SPPL2C: variants seen among roughly 807,000 people sequenced by gnomAD.
SPPL2C encodes signal peptide peptidase like 2C.
A neutral mutation model predicts 38.8 loss-of-function variants in SPPL2C; 33 were observed. The observed-to-expected ratio is 0.85, with a 90% CI of 0.64 to 1.14. SPPL2C has a LOEUF of 1.14. SPPL2C is among the 50% of genes most tolerant of loss of function. The pLI, the probability that SPPL2C is intolerant of heterozygous loss-of-function variation, is 0.00. For synonymous variants in SPPL2C, 384 were observed against 390.7 expected (o/e 0.98, Z 0.20); for missense variants, 899 against 904.4 (o/e 0.99, Z 0.08).
Position 45,846,720 on chromosome 17 carries a change from G to C in SPPL2C, c.1814G>C (p.Ser605Thr). The C allele has an allele frequency of 6.2e-7, 1 of 1,614,224 alleles. No homozygotes were observed. Among genetic ancestry groups the C allele is most frequent in the Non-Finnish European group, 8.5e-7 (1 of 1,180,046 alleles). The change falls in exon 1 of 1, where the codon AGT becomes ACT. Residue 605 changes from serine to threonine, a missense_variant. Coordinates refer to ENST00000329196, the MANE Select transcript of SPPL2C (RefSeq NM_175882.3). ...EDRSDSSEGW[S>T]DAHLDPNELP... ...CGCAGTGATAGCTCCGAGGGCTGGA[G>C]TGACGCCCACTTGGATCCTAATGAG... is the stretch of plus-strand genomic sequence containing the variant.
rs1305128282 is a variant in SPPL2C, at chr17:45,846,070, C to T, written c.1164C>T (p.Phe388=). The part of the protein sequence containing the change: ...FLLALLAFDV[F]FVFVTPFFTK... ...TGGCCCTGCTGGCCTTTGATGTCTT[C>T]TTTGTCTTCGTCACCCCCTTCTTCA... Residue 388 remains phenylalanine (F), a synonymous_variant, in exon 1 of 1, where the codon TTC becomes TTT. Coordinates refer to ENST00000329196, the MANE Select transcript of SPPL2C (RefSeq NM_175882.3). 9 of 1,614,204 alleles carry T rather than the reference C, an allele frequency of 5.6e-6. No individual in the cohort carries two copies. Among genetic ancestry groups the T allele is most frequent in the Non-Finnish European group, 7.6e-6 (9 of 1,180,034 alleles).
At position 45,846,079 on chromosome 17, in the gene SPPL2C, C is replaced by T. The variant is rs758052686; in HGVS notation, c.1173C>T (p.Phe391=). The change falls in exon 1 of 1, where the codon TTC becomes TTT. Residue 391 remains phenylalanine, a synonymous_variant. Transcript: ENST00000329196. ...ALLAFDVFFV[F]VTPFFTKTGE... ...TGGCCTTTGATGTCTTCTTTGTCTT[C>T]GTCACCCCCTTCTTCACCAAAACCG... 6.1e-5 allele frequency: 98 copies of T among 1,614,052 alleles called. No homozygotes were observed. The highest frequency in any genetic ancestry group is 3.3e-4 in the Middle Eastern group (2 of 6,084).
chr17:45,845,574 G>T lies in SPPL2C; in HGVS notation c.668G>T (p.Gly223Val). 6.2e-7 allele frequency: 1 copy of T among 1,605,512 alleles called. No homozygotes were observed. The highest frequency in any genetic ancestry group is 8.5e-7 in the Non-Finnish European group (1 of 1,176,050). Residue 223 changes from glycine (G) to valine (V), a missense_variant, in exon 1 of 1, where the codon GGG (glycine) becomes GTG (valine). Transcript: ENST00000329196. ...LQRRRARRGG[G>V]SGGHHQLQEA... ...CGGCGCCGTGCCCGAAGAGGAGGGG[G>T]GTCTGGTGGTCACCATCAGCTGCAG...
In SPPL2C at chr17:45,846,632, C is replaced by T. The variant is rs1568086487; in HGVS notation, c.1726C>T (p.Pro576Ser). ...SRGAGDLDSN[P>S]GEDTTEIVTI... ...AGGAGCAGGGGACTTAGACAGCAAC[C>T]CTGGAGAAGACACCACTGAGATTGT... is the stretch of plus-strand genomic sequence containing the variant. The change falls in exon 1 of 1, where the codon CCT becomes TCT. Residue 576 changes from proline (P) to serine (S), a missense_variant. By Grantham distance (74) the Pro-to-Ser change is moderately conservative. Coordinates refer to ENST00000329196, the MANE Select transcript of SPPL2C (RefSeq NM_175882.3). 6.2e-7 allele frequency: 1 copy of T among 1,614,222 alleles called. No individual in the cohort carries two copies. The highest frequency in any genetic ancestry group is 8.5e-7 in the Non-Finnish European group (1 of 1,180,044).
chr17:45,846,039 T>TCCTGCTGGC lies in SPPL2C; in HGVS notation c.1144_1152dup (p.Leu382_Ala384dup). On this transcript the variant is annotated inframe_insertion, in exon 1 of 1. Coordinates refer to ENST00000329196, the MANE Select transcript of SPPL2C (RefSeq NM_175882.3). Reference sequence around the variant, plus strand: ...CCCACTCTCAAGAACTGCTCCTCCTTCCTGCTGGCCCTGCTGGCCTTTGAT... The same window carrying TCCTGCTGGC: ...CCCACTCTCAAGAACTGCTCCTCCTTCCTGCTGGCCCTGCTGGCCCTGCTGGCCTTTGAT... 1 of 1,614,146 alleles carries TCCTGCTGGC rather than the reference T, an allele frequency of 6.2e-7. No individual in the cohort carries two copies. Among genetic ancestry groups the TCCTGCTGGC allele is most frequent in the Non-Finnish European group, 8.5e-7 (1 of 1,180,028 alleles).
Position 45,846,989 on chromosome 17 carries a change from C to T in SPPL2C, c.*28C>T, listed in dbSNP as rs762169399. The T allele has an allele frequency of 1.3e-5, 19 of 1,516,678 alleles. No homozygotes were observed. Among genetic ancestry groups the T allele is most frequent in the Non-Finnish European group, 1.7e-5 (19 of 1,138,034 alleles). The allele number at this position is 1,516,678 out of a possible 1,614,324, so 94.0% of individuals were successfully genotyped here. On this transcript the variant is annotated 3_prime_UTR_variant, in exon 1 of 1. Coordinates refer to ENST00000329196, the MANE Select transcript of SPPL2C (RefSeq NM_175882.3). ...TGGAGGCACTGGGACACACGCCTCT[C>T]AAAGGGCTGGTGGAACATTGCAGAG...
At position 45,846,576 on chromosome 17, in the gene SPPL2C, C is replaced by A; in HGVS notation, c.1670C>A (p.Thr557Lys). 6.2e-7 allele frequency: 1 copy of A among 1,613,660 alleles called. No homozygotes were observed. The highest frequency in any genetic ancestry group is 8.5e-7 in the Non-Finnish European group (1 of 1,180,026). Residue 557 changes from threonine to lysine, a missense_variant, in exon 1 of 1, where the codon ACA becomes AAA. Thr to Lys is a moderately conservative substitution (Grantham distance 78, BLOSUM62 -1). Coordinates refer to ENST00000329196, the MANE Select transcript of SPPL2C (RefSeq NM_175882.3). ...QKQEGAADAH[T>K]ASTLERGTSR... ...CAGGAGGGCGCAGCAGATGCCCACA[C>A]AGCCAGCACACTTGAGAGAGGCACC... is the stretch of plus-strand genomic sequence containing the variant.
At position 45,845,008 on chromosome 17, in the gene SPPL2C, G is replaced by A. The variant is rs200394065; in HGVS notation, c.102G>A (p.Trp34Ter). ...TGGCCCACGTGGTGTCGGAGAATTGGAGCAAGGACTACTGTATCCTGTTCA... is the reference window on the plus strand; with the variant it reads ...TGGCCCACGTGGTGTCGGAGAATTGAAGCAAGGACTACTGTATCCTGTTCA... Reference protein sequence around the residue: ...YGVAHVVSENWSKDYCILFSS... With the variant: ...YGVAHVVSEN The change falls in exon 1 of 1, where the codon TGG becomes TGA. Residue 34 changes from tryptophan to a stop codon, truncating the protein, a stop_gained. Transcript: ENST00000329196. LOFTEE classifies it high-confidence loss of function. 34 of 1,614,000 alleles carry A rather than the reference G, an allele frequency of 2.1e-5. No individual in the cohort carries two copies. Among genetic ancestry groups the A allele is most frequent in the Non-Finnish European group, 1.6e-5 (19 of 1,180,002 alleles).
chr17:45,847,000 T>A lies in SPPL2C; in HGVS notation c.*39T>A. 6.6e-7 allele frequency: 1 copy of A among 1,508,140 alleles called. No individual in the cohort carries two copies. Among genetic ancestry groups the A allele is most frequent in the Non-Finnish European group, 8.8e-7 (1 of 1,133,604 alleles). 93.4% of individuals were successfully genotyped at this position (1,508,140 alleles called of 1,614,324 possible). A position where few individuals can be genotyped will look rare whatever the true frequency, so the allele number is the denominator to read the frequency against. ...GGACACACGCCTCTCAAAGGGCTGG[T>A]GGAACATTGCAGAGCAAAGCCATGC... On this transcript the variant is annotated 3_prime_UTR_variant, in exon 1 of 1. Transcript: ENST00000329196.
At position 45,846,517 on chromosome 17, in the gene SPPL2C, C is replaced by T. The variant is rs769108725; in HGVS notation, c.1611C>T (p.Leu537=). 20 of 1,612,480 alleles carry T rather than the reference C, an allele frequency of 1.2e-5. No individual in the cohort carries two copies. Among genetic ancestry groups the T allele is most frequent in the Admixed American group, 5.0e-5 (3 of 60,006 alleles). ...TGQGRAKMCG[L]GCAPSAGSRQ... ...AGGGCAGAGCTAAGATGTGTGGGCT[C>T]GGCTGTGCCCCTTCAGCTGGCTCTA... The change falls in exon 1 of 1, where the codon CTC becomes CTT. Residue 537 remains leucine, a synonymous_variant. Transcript: ENST00000329196.
chr17:45,845,084 C>A lies in SPPL2C; in HGVS notation c.178C>A (p.Pro60Thr). 1 of 1,613,828 alleles carries A rather than the reference C, an allele frequency of 6.2e-7. No homozygotes were observed. The highest frequency in any genetic ancestry group is 8.5e-7 in the Non-Finnish European group (1 of 1,179,760). Residue 60 changes from proline (P) to threonine (T), a missense_variant, in exon 1 of 1, where the codon CCC (proline) becomes ACC (threonine). Pro to Thr is a conservative substitution (Grantham distance 38). Coordinates refer to ENST00000329196, the MANE Select transcript of SPPL2C (RefSeq NM_175882.3). ...PRDLHHAPLL[P>T]LYDGTKAPWC... ...GGACCTGCACCACGCCCCACTCCTG[C>A]CCCTGTATGATGGCACCAAGGCACC...
chr17:45,846,816 T>C lies in SPPL2C; in HGVS notation c.1910T>C (p.Leu637Pro). ...ATGCCAATGGCCATGCTGATCCCAC[T>C]CATGCCCCTGATGCCCCCGCCCTCA... Reference protein sequence around the residue: ...PLMPMAMLIPLMPLMPPPSEL... With the variant: ...PLMPMAMLIPPMPLMPPPSEL... The change falls in exon 1 of 1, where the codon CTC (leucine) becomes CCC (proline). Residue 637 changes from leucine to proline, a missense_variant. Leu to Pro is a moderately conservative substitution (Grantham distance 98). Transcript: ENST00000329196. 10 of 1,613,990 alleles carry C rather than the reference T, an allele frequency of 6.2e-6. No homozygotes were observed. Among genetic ancestry groups the C allele is most frequent in the Non-Finnish European group, 8.5e-6 (10 of 1,179,968 alleles).
At position 45,845,559 on chromosome 17, in the gene SPPL2C, C is replaced by A. The variant is rs372422298; in HGVS notation, c.653C>A (p.Ala218Asp). ...GCCAACCGGCTACAGCGGCGCCGTG[C>A]CCGAAGAGGAGGGGGGTCTGGTGGT... is the stretch of plus-strand genomic sequence containing the variant. ...TEANRLQRRR[A>D]RRGGGSGGHH... The change falls in exon 1 of 1, where the codon GCC becomes GAC. Residue 218 changes from alanine (A) to aspartate (D), a missense_variant. Physicochemically the swap from Ala to Asp is moderately radical, Grantham distance 126 (BLOSUM62 -2). Coordinates refer to ENST00000329196, the MANE Select transcript of SPPL2C (RefSeq NM_175882.3). The A allele has an allele frequency of 6.2e-7, 1 of 1,602,138 alleles. No individual in the cohort carries two copies. The highest frequency in any genetic ancestry group is 8.5e-7 in the Non-Finnish European group (1 of 1,174,974).
At position 45,846,586 on chromosome 17, in the gene SPPL2C, A is replaced by C; in HGVS notation, c.1680A>C (p.Thr560=). 1 of 1,613,884 alleles carries C rather than the reference A, an allele frequency of 6.2e-7. No homozygotes were observed. The change falls in exon 1 of 1, where the codon ACA becomes ACC. Residue 560 remains threonine, a synonymous_variant. Coordinates refer to ENST00000329196, the MANE Select transcript of SPPL2C (RefSeq NM_175882.3). ...EGAADAHTAS[T]LERGTSRGAG... Reference sequence around the variant, plus strand: ...CAGCAGATGCCCACACAGCCAGCACACTTGAGAGAGGCACCAGCCGAGGAG... The same window carrying C: ...CAGCAGATGCCCACACAGCCAGCACCCTTGAGAGAGGCACCAGCCGAGGAG...
chr17:45,845,629 G>A lies in SPPL2C; in HGVS notation c.723G>A (p.Lys241=). The change falls in exon 1 of 1, where the codon AAG becomes AAA. Residue 241 remains lysine, a synonymous_variant. Transcript: ENST00000329196. The stretch of plus-strand genomic sequence containing the variant: ...CTGCAGCAGCTGAGGGAGCCCAGAA[G>A]GAAGATAATGAGGACATCCCAGTGG... ...QEAAAAEGAQ[K]EDNEDIPVDF... The A allele has an allele frequency of 1.2e-6, 2 of 1,612,604 alleles. No homozygotes were observed. Among genetic ancestry groups the A allele is most frequent in the South Asian group, 1.1e-5 (1 of 91,084 alleles).
In SPPL2C at chr17:45,846,278, T is replaced by C; in HGVS notation, c.1372T>C (p.Tyr458His). The C allele has an allele frequency of 1.9e-6, 3 of 1,614,160 alleles. No homozygotes were observed. The highest frequency in any genetic ancestry group is 2.5e-6 in the Non-Finnish European group (3 of 1,180,030). Residue 458 changes from tyrosine to histidine, a missense_variant, in exon 1 of 1, where the codon TAC (tyrosine) becomes CAC (histidine). Physicochemically the swap from Tyr to His is moderately conservative, Grantham distance 83. Coordinates refer to ENST00000329196, the MANE Select transcript of SPPL2C (RefSeq NM_175882.3). ...DIVVPGFLVA[Y>H]CCRFDVQVCS... is the part of the protein sequence containing the mutation. ...TGTGGTCCCCGGCTTCCTGGTTGCT[T>C]ACTGTTGCCGCTTTGATGTGCAAGT...
rs564137651 is a variant in SPPL2C at position 45,846,528 on chromosome 17, C to A, written c.1622C>A (p.Pro541His). ...RAKMCGLGCA[P>H]SAGSRQKQEG... ...AAGATGTGTGGGCTCGGCTGTGCCC[C>A]TTCAGCTGGCTCTAGGCAGAAGCAG... Residue 541 changes from proline (P) to histidine (H), a missense_variant, in exon 1 of 1, where the codon CCT becomes CAT. Transcript: ENST00000329196. 6.8e-6 allele frequency: 11 copies of A among 1,612,704 alleles called. No homozygotes were observed. The highest frequency in any genetic ancestry group is 1.7e-5 in the Admixed American group (1 of 60,018).
At position 45,844,986 on chromosome 17, in the gene SPPL2C, C is replaced by T. The variant is rs1262384529; in HGVS notation, c.80C>T (p.Ala27Val). ...GTGGCCGGGGGAAAGTACGGCGTGG[C>T]CCACGTGGTGTCGGAGAATTGGAGC... is the stretch of plus-strand genomic sequence containing the variant. ...STVAGGKYGV[A>V]HVVSENWSKD... is the part of the protein sequence containing the mutation. Residue 27 changes from alanine to valine, a missense_variant, in exon 1 of 1, where the codon GCC (alanine) becomes GTC (valine). Ala to Val is a moderately conservative substitution (Grantham distance 64). Coordinates refer to ENST00000329196, the MANE Select transcript of SPPL2C (RefSeq NM_175882.3). 1 of 1,614,120 alleles carries T rather than the reference C, an allele frequency of 6.2e-7. No homozygotes were observed. Among genetic ancestry groups the T allele is most frequent in the East Asian group, 2.2e-5 (1 of 44,876 alleles).
In SPPL2C at chr17:45,845,353, T is replaced by C. The variant is rs2062527899; in HGVS notation, c.447T>C (p.Pro149=). 2 of 1,614,010 alleles carry C rather than the reference T, an allele frequency of 1.2e-6. No homozygotes were observed. Among genetic ancestry groups the C allele is most frequent in the African/African-American group, 1.3e-5 (1 of 75,076 alleles). The part of the protein sequence containing the change: ...PRQPLADLTI[P]VAMLHYADML... ...AGCCCCTGGCAGACCTCACCATCCC[T>C]GTGGCTATGCTCCACTATGCTGACA... is the stretch of plus-strand genomic sequence containing the variant. Residue 149 remains proline, a synonymous_variant, in exon 1 of 1, where the codon CCT becomes CCC. Transcript: ENST00000329196.
Sources: gnomAD v4.1 joint callset for allele counts on GRCh38, gnomAD v4.1.1 for gene constraint, MANE v1.5 for transcripts, NCBI Gene and HGNC (gene_info 2026-07-23, HGNC 2026-07-21) for gene names.